Variants in CSGALNACT1 observed in about 807,000 individuals in gnomAD.
The protein encoded by CSGALNACT1 is chondroitin sulfate N-acetylgalactosaminyltransferase 1, also known as beta4GalNAcT-1.
Under a neutral mutation model 51.0 loss-of-function variants are expected in CSGALNACT1, and 52 were observed. That is an observed-to-expected ratio of 1.02 (90% CI 0.82 to 1.29). The LOEUF is 1.29. Among genes scored for constraint, CSGALNACT1 ranks in the 50% most tolerant of loss-of-function variants. The probability of loss-of-function intolerance (pLI) is 0.00; values close to 1 mark genes in which losing one functional copy is unlikely to be tolerated. For missense variants in CSGALNACT1, 935 were observed against 679.2 expected, an observed-to-expected ratio of 1.38 and a Z score of -4.19; for synonymous variants, 341 against 254.4, an observed-to-expected ratio of 1.34 and a Z score of -3.24.
intron 3 of CSGALNACT1, among the ~76,000 whole-genome samples, chr8:19,552,605 A>T (rs1039873234): frequency 6.6e-6 from 1 of 152,212 alleles, no homozygotes; most frequent in African/African-American, 2.4e-5. Flanking sequence ...TTTTCAGGGA[A>T]ATTAAAGATG....
intron 3 of CSGALNACT1, among the ~76,000 whole-genome samples, chr8:19,517,217 C>T (rs2079726374): frequency 6.6e-6 from 1 of 152,134 alleles, no homozygotes; most frequent in Non-Finnish European, 1.5e-5. Context: ...GTGGGAAGAT[C>T]ACCTGAGTTT....
At chr8:19,662,997 G>GA (rs1303424810) in intron 1 of CSGALNACT1, among the ~76,000 whole-genome samples, 37 of 152,134 alleles carry the variant, frequency 2.4e-4, no homozygotes, top group African/African-American at 8.9e-4. Flanking sequence ...AGGAAAGGGG[G>GA]AAAAAAGTGC....
At chr8:19,738,390 C>T (rs2064114497) in intron 1 of CSGALNACT1, among the ~76,000 whole-genome samples, 1 of 152,146 alleles carries the variant, frequency 6.6e-6, no homozygotes, top group Non-Finnish European at 1.5e-5. Flanking sequence ...GGACAAATCA[C>T]TATATGATTC....
chr8:19,440,606 A>G (rs1204560519), intron 5 of CSGALNACT1, among the ~76,000 whole-genome samples: 1 of 152,218 alleles, frequency 6.6e-6, no homozygotes, highest in Non-Finnish European at 1.5e-5. Context: ...CACACAGCCA[A>G]TATCATATTG....
rs529099089 is a variant in CSGALNACT1, at chr8:19,492,713, T to G, written c.634+12488A>C. On this transcript the variant is annotated intron_variant, in intron 4 of 9. Transcript: ENST00000454498. ...CGCCACTGGCCCGTAGCCACCAGCCTAGCAATGGCATAATGCTGCCAGTTA... is the reference window on the plus strand; with the variant it reads ...CGCCACTGGCCCGTAGCCACCAGCCGAGCAATGGCATAATGCTGCCAGTTA... Among the ~76,000 whole-genome samples the G allele has an allele frequency of 7.8e-4, 119 of 152,328 alleles. 1 individual carries two copies. The highest frequency in any genetic ancestry group is 2.8e-3 in the African/African-American group (116 of 41,582).
intron 1 of CSGALNACT1, among the ~76,000 whole-genome samples, chr8:19,643,898 T>C (rs1401972009): frequency 6.6e-6 from 1 of 152,198 alleles, no homozygotes; most frequent in Non-Finnish European, 1.5e-5. Context: ...GTATGAAGTA[T>C]ATTTAAGGTG....
intron 3 of CSGALNACT1, among the ~76,000 whole-genome samples, chr8:19,532,897 C>T (rs17128580): frequency 0.069 from 10,444 of 152,180 alleles, 1,137 homozygotes; most frequent in African/African-American, 0.23. Context: ...GCTTATCCAC[C>T]GGACTCAGTA....
chr8:19,408,793 C>T, intron 8 of CSGALNACT1, 99 bp from the exon 8 acceptor site: 1 of 1,021,648 alleles, frequency 9.8e-7, no homozygotes, highest in Non-Finnish European at 1.6e-6. Flanking sequence ...TGGAGCCCAT[C>T]CCATCACTGA....
In CSGALNACT1 at chr8:19,680,917, A is replaced by C. The variant is rs150343803; in HGVS notation, c.-544+1556T>G. Among the ~76,000 whole-genome samples, 982 of 152,232 alleles carry C rather than the reference A, an allele frequency of 6.5e-3. 7 individuals are homozygous for C. Among genetic ancestry groups the C allele is most frequent in the Non-Finnish European group, 8.6e-3 (585 of 68,018 alleles). On this transcript the variant is annotated intron_variant, in intron 1 of 9. Transcript: ENST00000332246. ...TTAGTGCCATATGTCAGGTTTCTAC[A>C]TATGCCCCATTATCTTATGGGACCA...
chr8:19,623,287 A>G (rs1369183219), intron 1 of CSGALNACT1, among the ~76,000 whole-genome samples: 1 of 152,224 alleles, frequency 6.6e-6, no homozygotes, highest in Non-Finnish European at 1.5e-5. Flanking sequence ...TTAAAGGGAG[A>G]AGTAATAATA....
intron 1 of CSGALNACT1, among the ~76,000 whole-genome samples, chr8:19,726,315 T>C (rs946615883): frequency 3.3e-5 from 5 of 152,182 alleles, no homozygotes; most frequent in African/African-American, 1.2e-4. Context: ...AACATGTTTA[T>C]GACACAAAAA....
chr8:19,561,963 C>A (rs996475390), intron 3 of CSGALNACT1, among the ~76,000 whole-genome samples: 1 of 152,174 alleles, frequency 6.6e-6, no homozygotes, highest in African/African-American at 2.4e-5. Context: ...CCTTGAACCT[C>A]TAGAATGCCC....
At chr8:19,442,585 G>T (rs1563417596) in intron 5 of CSGALNACT1, among the ~76,000 whole-genome samples, 1 of 134,052 alleles carries the variant, frequency 7.5e-6, no homozygotes, top group Non-Finnish European at 1.6e-5. Context: ...TTGGGGGAGG[G>T]GGGAGGGATA....
chr8:19,681,815 C>A (rs1309184914), intron 1 of CSGALNACT1, among the ~76,000 whole-genome samples: 2 of 152,212 alleles, frequency 1.3e-5, no homozygotes, highest in African/African-American at 4.8e-5. Context: ...ACTGCTCACA[C>A]CTTCTCTAGC....
chr8:19,536,712 A>T (rs1449703953), intron 3 of CSGALNACT1, among the ~76,000 whole-genome samples: 2 of 152,204 alleles, frequency 1.3e-5, no homozygotes, highest in Non-Finnish European at 2.9e-5. Context: ...AAATAATTTC[A>T]AAAAGAAAAA....
intron 4 of CSGALNACT1, among the ~76,000 whole-genome samples, chr8:19,472,994 T>G (rs562574236): frequency 1.3e-5 from 2 of 152,202 alleles, no homozygotes; most frequent in Non-Finnish European, 2.9e-5. Flanking sequence ...TATCATGTCA[T>G]TCTACTTTGT....
chr8:19,724,167 G>T (rs970931890), intron 1 of CSGALNACT1, among the ~76,000 whole-genome samples: 1 of 152,126 alleles, frequency 6.6e-6, no homozygotes, highest in Non-Finnish European at 1.5e-5. Flanking sequence ...GTTTCCCAGG[G>T]CTGCGACTAC....
intron 1 of CSGALNACT1, among the ~76,000 whole-genome samples, chr8:19,734,895 C>T (rs965135445): frequency 3.3e-4 from 50 of 151,862 alleles, no homozygotes; most frequent in African/African-American, 1.1e-3. Context: ...TATCTGAATG[C>T]ACGGTTGAGA....
chr8:19,437,455 G>A (rs180827837), intron 6 of CSGALNACT1, among the ~76,000 whole-genome samples: 5 of 152,250 alleles, frequency 3.3e-5, no homozygotes, highest in East Asian at 1.9e-4. Context: ...ATGGTACTGT[G>A]AAGTCAACTC....
Sources: allele counts gnomAD v4.1 joint callset (sites outside exome capture counted in the v4.1 genomes callset), GRCh38; gene constraint gnomAD v4.1.1; transcripts MANE v1.5; gene names NCBI Gene and HGNC (gene_info 2026-07-23, HGNC 2026-07-21).